Variants in PDE7B observed in about 807,000 individuals in gnomAD.
The protein encoded by PDE7B is 3',5'-cyclic-AMP phosphodiesterase 7B.
A neutral mutation model predicts 56.2 loss-of-function variants in PDE7B; 29 were observed. The ratio of observed to expected loss-of-function variants is 0.52; its 90% CI spans 0.38 to 0.70. The LOEUF is 0.70. Ranked by LOEUF, PDE7B falls within the 30% of genes least tolerant of loss-of-function variation. The pLI, the probability that PDE7B is intolerant of heterozygous loss-of-function variation, is 0.00. For synonymous variants in PDE7B, 197 were observed against 196.9 expected (o/e 1.00, Z 0.00); for missense variants, 490 against 565.0 (o/e 0.87, Z 1.35).
At chr6:136,088,572 C>T (rs532233877) in intron 2 of PDE7B, among the ~76,000 whole-genome samples, 4 of 152,166 alleles carry the variant, frequency 2.6e-5, no homozygotes. Context: ...GACAAAAGAC[C>T]ATATATTGTA....
chr6:135,855,388 G>T (rs1459051903), intron 1 of PDE7B, among the ~76,000 whole-genome samples: 1 of 151,922 alleles, frequency 6.6e-6, no homozygotes, highest in African/African-American at 2.4e-5. Context: ...TCTGTACAAA[G>T]AAATGAAAAA....
intron 1 of PDE7B, among the ~76,000 whole-genome samples, chr6:135,887,480 C>T (rs988154095): frequency 6.6e-6 from 1 of 152,110 alleles, no homozygotes; most frequent in Admixed American, 6.6e-5. Flanking sequence ...CTGCTTAAAT[C>T]AGAAAAGTGA....
intron 1 of PDE7B, among the ~76,000 whole-genome samples, chr6:135,889,372 C>T (rs1018064688): frequency 1.3e-5 from 2 of 151,998 alleles, no homozygotes; most frequent in South Asian, 2.1e-4. Context: ...TCAAGTGATC[C>T]GCCTGCCTTG....
chr6:135,865,647 G>A (rs555302358), intron 1 of PDE7B, among the ~76,000 whole-genome samples: 1 of 149,442 alleles, frequency 6.7e-6, no homozygotes, highest in East Asian at 1.9e-4. Flanking sequence ...GTGTGTGTGT[G>A]TGTATGTGTG....
At position 135,933,113 on chromosome 6, in the gene PDE7B, A is replaced by G. The variant is rs151000870; in HGVS notation, c.22-14351A>G. On this transcript the variant is annotated intron_variant, in intron 1 of 12. Transcript: ENST00000308191. ...TCATTTCCAAGGTCAAAGAGCTAGG[A>G]TACAGTGGAGTTGGGATTCAAACTC... Among the ~76,000 whole-genome samples, 3 of 152,328 alleles carry G rather than the reference A, an allele frequency of 2.0e-5. 1 individual carries two copies. The East Asian group carries it at 5.8e-4, about 29-fold the overall frequency.
chr6:136,062,421 T>C (rs1219996561), intron 2 of PDE7B, among the ~76,000 whole-genome samples: 1 of 152,178 alleles, frequency 6.6e-6, no homozygotes, highest in Non-Finnish European at 1.5e-5. Flanking sequence ...ATTCCAAGTA[T>C]AGAATACATT....
At chr6:136,105,939 C>T (rs947144574) in intron 2 of PDE7B, among the ~76,000 whole-genome samples, 19 of 152,226 alleles carry the variant, frequency 1.2e-4, no homozygotes, top group Non-Finnish European at 4.4e-5. Context: ...ACAGTGATTT[C>T]CAAAAGGTGA....
chr6:135,861,252 G>C (rs187282949), intron 1 of PDE7B, among the ~76,000 whole-genome samples: 1 of 151,878 alleles, frequency 6.6e-6, no homozygotes, highest in Admixed American at 6.6e-5. Context: ...GAATAAAGTT[G>C]CTGGGCCACA....
chr6:136,030,523 A>G (rs1306450106), intron 2 of PDE7B, among the ~76,000 whole-genome samples: 1 of 152,224 alleles, frequency 6.6e-6, no homozygotes, highest in African/African-American at 2.4e-5. Flanking sequence ...TCTCTGAATC[A>G]GCAGCACCAT....
At chr6:135,962,102 G>A (rs536027926) in intron 2 of PDE7B, among the ~76,000 whole-genome samples, 96 of 152,196 alleles carry the variant, frequency 6.3e-4, no homozygotes, top group Non-Finnish European at 1.1e-3. Context: ...TGGGGTATAT[G>A]GGAAATTGCT....
At chr6:136,006,212 G>C (rs1009146975) in intron 2 of PDE7B, among the ~76,000 whole-genome samples, 13 of 110,062 alleles carry the variant, frequency 1.2e-4, no homozygotes, top group African/African-American at 4.2e-4. Flanking sequence ...TTGTGGGGTG[G>C]GGGGAGGGGG....
intron 2 of PDE7B, among the ~76,000 whole-genome samples, chr6:136,087,194 T>G (rs2128215732): frequency 6.6e-6 from 1 of 152,348 alleles, no homozygotes; most frequent in Admixed American, 6.5e-5. Flanking sequence ...GCTGGGCATC[T>G]TACGTCGATT....
At chr6:136,060,156 T>C (rs1583857622) in intron 2 of PDE7B, among the ~76,000 whole-genome samples, 2 of 152,362 alleles carry the variant, frequency 1.3e-5, no homozygotes, top group East Asian at 1.9e-4. Context: ...ATATCCCTCC[T>C]TCTTCTTTAG....
Position 136,191,851 on chromosome 6 carries a change from A to G in PDE7B, c.*11A>G, listed in dbSNP as rs1779231324. ...GGCGACAGCCCCTAGGGGCCGGCCCAACTTAGACGCGGCTCTCCTCCGGCA... is the reference window on the plus strand; with the variant it reads ...GGCGACAGCCCCTAGGGGCCGGCCCGACTTAGACGCGGCTCTCCTCCGGCA... On this transcript the variant is annotated 3_prime_UTR_variant, in exon 13 of 13. Transcript: ENST00000308191. 2 of 1,542,988 alleles carry G rather than the reference A, an allele frequency of 1.3e-6. No individual in the cohort carries two copies. The highest frequency in any genetic ancestry group is 8.8e-7 in the Non-Finnish European group (1 of 1,141,716).
intron 2 of PDE7B, among the ~76,000 whole-genome samples, chr6:135,964,475 G>A (rs556547742): frequency 6.6e-6 from 1 of 152,224 alleles, no homozygotes; most frequent in Middle Eastern, 3.4e-3. Flanking sequence ...AGTATATAGT[G>A]TCTTTAATTG....
chr6:136,044,535 C>G (rs1344239979), intron 2 of PDE7B: 1 of 151,986 alleles, frequency 6.6e-6, no homozygotes, highest in Non-Finnish European at 1.5e-5. Context: ...GTCATTATAG[C>G]TTTTAAAATA....
chr6:136,188,541 G>A (rs1779176018), intron 12 of PDE7B, among the ~76,000 whole-genome samples: 1 of 152,126 alleles, frequency 6.6e-6, no homozygotes, highest in Non-Finnish European at 1.5e-5. Context: ...TAATCCTGAG[G>A]CTCCCTGTGT....
Position 135,944,235 on chromosome 6 carries a change from C to T in PDE7B, c.22-3229C>T, listed in dbSNP as rs114342856. On this transcript the variant is annotated intron_variant, in intron 1 of 12. Transcript: ENST00000308191. ...CCCGATAATCCAGCAGGGCACAAGA[C>T]GTTCCCCCAGGACAGATCCTGCAGT... Among the ~76,000 whole-genome samples the T allele has an allele frequency of 2.0e-3, 309 of 152,230 alleles. 1 individual carries two copies. Among genetic ancestry groups the T allele is most frequent in the African/African-American group, 7.0e-3 (290 of 41,544 alleles).
At chr6:136,075,050 T>G (rs1407147001) in intron 2 of PDE7B, among the ~76,000 whole-genome samples, 1 of 152,216 alleles carries the variant, frequency 6.6e-6, no homozygotes, top group Admixed American at 6.5e-5. Flanking sequence ...AAGGAAAAAC[T>G]TCTGAAACAA....
Sources: allele counts gnomAD v4.1 joint callset (sites outside exome capture counted in the v4.1 genomes callset), GRCh38; gene constraint gnomAD v4.1.1; transcripts MANE v1.5; gene names NCBI Gene and HGNC (gene_info 2026-07-23, HGNC 2026-07-21).